Variants in PEX7 observed in about 807,000 individuals in gnomAD.
The protein encoded by PEX7 is PTS2 receptor.
A neutral mutation model predicts 47.5 loss-of-function variants in PEX7; 34 were observed. That is an observed-to-expected ratio of 0.72 (90% confidence interval 0.54 to 0.95). The LOEUF is 0.95. PEX7 is among the 40% of genes least tolerant of loss of function. The pLI is 0.00. For synonymous variants in PEX7, 141 were observed against 148.8 expected, an observed-to-expected ratio of 0.95 and a Z score of 0.38; for missense variants, 394 against 400.3, an observed-to-expected ratio of 0.98 and a Z score of 0.13.
At chr6:136,837,955 CAAAA>C (rs1774425581) in intron 3 of PEX7, among the ~76,000 whole-genome samples, 1 of 152,042 alleles carries the variant, frequency 6.6e-6, no homozygotes, top group Admixed American at 6.6e-5. Flanking sequence ...AATTGATAAA[CAAAA>C]GTAAAGAATC....
intron 7 of PEX7, among the ~76,000 whole-genome samples, chr6:136,871,518 A>G (rs953134255): frequency 3.4e-4 from 52 of 152,158 alleles, no homozygotes; most frequent in African/African-American, 1.2e-3. Flanking sequence ...ATATACTTAA[A>G]TCCCTTATAT....
intron 8 of PEX7, among the ~76,000 whole-genome samples, chr6:136,885,176 G>A (rs1015978189): frequency 1.3e-5 from 2 of 152,020 alleles, no homozygotes; most frequent in Non-Finnish European, 2.9e-5. Flanking sequence ...TTTTTCATTA[G>A]GAAGAGCAGC....
chr6:136,855,025 T>C (rs1456226122), intron 5 of PEX7, among the ~76,000 whole-genome samples: 2 of 151,696 alleles, frequency 1.3e-5, no homozygotes, highest in East Asian at 3.9e-4. Context: ...GAAGTGGAGA[T>C]TGCAGTGAGC....
intron 8 of PEX7, among the ~76,000 whole-genome samples, chr6:136,886,135 A>G (rs973540325): frequency 2.6e-5 from 4 of 152,222 alleles, no homozygotes; most frequent in Non-Finnish European, 5.9e-5. Flanking sequence ...TTACAGCAGT[A>G]AGAGCAAGCA....
intron 8 of PEX7, among the ~76,000 whole-genome samples, chr6:136,885,819 T>C (rs1361290359): frequency 6.6e-6 from 1 of 152,186 alleles, no homozygotes; most frequent in Non-Finnish European, 1.5e-5. Flanking sequence ...GGTAACATAG[T>C]AGGACCACAG....
intron 5 of PEX7, among the ~76,000 whole-genome samples, chr6:136,847,503 T>A (rs984840902): frequency 1.1e-3 from 161 of 151,970 alleles, no homozygotes; most frequent in African/African-American, 3.8e-3. Context: ...CTTTAATCCA[T>A]CTTGAATTAA....
At chr6:136,838,822 T>G (rs1056451589) in intron 3 of PEX7, among the ~76,000 whole-genome samples, 11 of 151,766 alleles carry the variant, frequency 7.2e-5, no homozygotes, top group Admixed American at 2.6e-4. Flanking sequence ...TGCCTGGGGG[T>G]TTATTATACT....
chr6:136,913,641 A>T lies in PEX7; in HGVS notation c.*115A>T, dbSNP rs41288967. The T allele has an allele frequency of 1.2e-6, 1 of 815,402 alleles. No individual in the cohort carries two copies. The highest frequency in any genetic ancestry group is 2.1e-6 in the Non-Finnish European group (1 of 468,802). 50.5% of individuals were successfully genotyped at this position (815,402 alleles called of 1,614,324 possible). On this transcript the variant is annotated 3_prime_UTR_variant, in exon 10 of 10. Coordinates refer to ENST00000318471, the MANE Select transcript of PEX7 (RefSeq NM_000288.4). Reference sequence around the variant, plus strand: ...CTTTTATATGCTATTCAGATTTCAAATCTTTCCAATTTACCCTGGAATCAG... The same window carrying T: ...CTTTTATATGCTATTCAGATTTCAATTCTTTCCAATTTACCCTGGAATCAG...
intron 9 of PEX7, among the ~76,000 whole-genome samples, chr6:136,898,819 T>C (rs2050712): frequency 6.6e-6 from 1 of 151,582 alleles, no homozygotes; most frequent in Non-Finnish European, 1.5e-5. Flanking sequence ...TTTTTTTTTT[T>C]AAAAAAGCCT....
intron 3 of PEX7, among the ~76,000 whole-genome samples, chr6:136,837,359 C>CAAAAA (rs1196321390): frequency 4.8e-5 from 1 of 20,720 alleles, no homozygotes; most frequent in African/African-American, 3.9e-4. Context: ...GAGAGTCTGT[C>CAAAAA]ACAAAAAAAA....
chr6:136,866,075 C>G (rs933501576), intron 5 of PEX7, among the ~76,000 whole-genome samples: 4 of 151,862 alleles, frequency 2.6e-5, no homozygotes, highest in African/African-American at 7.3e-5. Flanking sequence ...GAGTGAGACT[C>G]TGTCTCGAAA....
chr6:136,881,242 G>T (rs1324520002), intron 8 of PEX7, among the ~76,000 whole-genome samples: 1 of 152,196 alleles, frequency 6.6e-6, no homozygotes, highest in African/African-American at 2.4e-5. Context: ...CTTAGAGCAT[G>T]CAATAGTCAC....
intron 5 of PEX7, among the ~76,000 whole-genome samples, chr6:136,853,707 T>G (rs559814938): frequency 2.6e-5 from 4 of 152,312 alleles, no homozygotes; most frequent in Non-Finnish European, 5.9e-5. Context: ...TATGCAACTT[T>G]CTTTTTACAG....
chr6:136,859,272 C>T (rs894544763), intron 5 of PEX7, among the ~76,000 whole-genome samples: 2 of 151,990 alleles, frequency 1.3e-5, no homozygotes, highest in Non-Finnish European at 1.5e-5. Flanking sequence ...GCAGAGTTGC[C>T]TAAAGACATT....
intron 8 of PEX7, among the ~76,000 whole-genome samples, chr6:136,893,595 C>T (rs1775594660): frequency 6.6e-6 from 1 of 152,216 alleles, no homozygotes; most frequent in South Asian, 2.1e-4. Flanking sequence ...TAGCACCTAC[C>T]TGGCACATGG....
chr6:136,880,049 T>C (rs1459762051), intron 8 of PEX7, among the ~76,000 whole-genome samples: 1 of 152,196 alleles, frequency 6.6e-6, no homozygotes, highest in Non-Finnish European at 1.5e-5. Flanking sequence ...TGGTTTTTTT[T>C]CTTCCATGTC....
rs1774102586 is a variant in PEX7 at position 136,822,783 on chromosome 6, T to G, written c.118T>G (p.Tyr40Asp). Residue 40 changes from tyrosine (Y) to aspartate (D), a missense_variant, in exon 1 of 10, where the codon TAC (tyrosine) becomes GAC (aspartate). By Grantham distance (160) the Tyr-to-Asp change is radical. Coordinates refer to ENST00000318471, the MANE Select transcript of PEX7 (RefSeq NM_000288.4). ...GRLACATAQH[Y>D]GIAGCGTLLI... is the part of the protein sequence containing the mutation. The stretch of plus-strand genomic sequence containing the variant: ...CCTGGCCTGCGCCACCGCGCAGCAC[T>G]ACGGCATCGCGGGTGAGGCGGCGCC... 1.5e-6 allele frequency: 2 copies of G among 1,356,060 alleles called. No homozygotes were observed. The highest frequency in any genetic ancestry group is 1.5e-5 in the African/African-American group (1 of 65,542). The allele number at this position is 1,356,060 out of a possible 1,614,324, so 84.0% of individuals were successfully genotyped here.
intron 1 of PEX7, 125 bp downstream of exon 1, chr6:136,822,920 G>A: frequency 5.8e-6 from 7 of 1,210,222 alleles, no homozygotes; most frequent in Non-Finnish European, 7.2e-6. Context: ...GTCCACGCCA[G>A]GGGGCAGAAG....
chr6:136,883,699 A>C (rs1288150261), intron 8 of PEX7, among the ~76,000 whole-genome samples: 1 of 152,110 alleles, frequency 6.6e-6, no homozygotes, highest in African/African-American at 2.4e-5. Context: ...AGGCCTGCAT[A>C]TTCAGCTGTT....
Sources: gnomAD v4.1 joint callset for allele counts (sites outside exome capture counted in the v4.1 genomes callset) on GRCh38, gnomAD v4.1.1 for gene constraint, MANE v1.5 for transcripts, NCBI Gene and HGNC (gene_info 2026-07-23, HGNC 2026-07-21) for gene names.